Variants in ALDH3A2 observed in about 807,000 individuals in gnomAD.
ALDH3A2 encodes the protein aldehyde dehydrogenase family 3 member A2.
Under a neutral mutation model 51.3 loss-of-function variants are expected in ALDH3A2, and 36 were observed. The ratio of observed to expected loss-of-function variants is 0.70; its 90% CI spans 0.54 to 0.93. The LOEUF is 0.93. ALDH3A2 is among the 40% of genes least tolerant of loss of function. The probability of loss-of-function intolerance (pLI) is 0.00; values close to 1 mark genes in which losing one functional copy is unlikely to be tolerated. For synonymous variants in ALDH3A2, 199 were observed against 219.8 expected, an observed-to-expected ratio of 0.91 and a Z score of 0.84; for missense variants, 552 against 603.1, an observed-to-expected ratio of 0.92 and a Z score of 0.89.
intron 4 of ALDH3A2, 122 bp downstream of exon 4, chr17:19,656,696 G>A (rs1175941791): frequency 1.0e-6 from 1 of 998,900 alleles, no homozygotes; most frequent in Non-Finnish European, 1.5e-6. Flanking sequence ...TTAAGCTTTG[G>A]TGGTTGATGT....
rs557789147 is a variant in ALDH3A2 at position 19,669,403 on chromosome 17, A to G, written c.1208-2318A>G. On this transcript the variant is annotated intron_variant, in intron 8 of 9. Coordinates refer to ENST00000176643, the MANE Select transcript of ALDH3A2 (RefSeq NM_000382.3). ...CCTTTTTTTTCCCAAAGAGTAAACTATGCTGGCACCATTTTTTGAAATAAT... is the reference window on the plus strand; with the variant it reads ...CCTTTTTTTTCCCAAAGAGTAAACTGTGCTGGCACCATTTTTTGAAATAAT... Among the ~76,000 whole-genome samples, 7 of 152,268 alleles carry G rather than the reference A, an allele frequency of 4.6e-5. No individual in the cohort carries two copies. In the East Asian group the frequency reaches 1.3e-3, roughly 29 times the overall value.
chr17:19,675,438 T>C lies in ALDH3A2; in HGVS notation c.1444-120T>C, dbSNP rs1597577142. On this transcript the variant is annotated intron_variant, in intron 9 of 9. Coordinates refer to ENST00000176643, the MANE Select transcript of ALDH3A2 (RefSeq NM_000382.3). ...ATGTAGTCCTTTTTTGTACAATGCATGTAGAGTCTCTTCAGACAGGAGGTG... is the reference window on the plus strand; with the variant it reads ...ATGTAGTCCTTTTTTGTACAATGCACGTAGAGTCTCTTCAGACAGGAGGTG... 2.9e-6 allele frequency: 3 copies of C among 1,021,136 alleles called. No individual in the cohort carries two copies. In the East Asian group the frequency reaches 7.1e-5, roughly 24 times the overall value. 63.3% of individuals were successfully genotyped at this position (1,021,136 alleles called of 1,614,324 possible).
chr17:19,666,127 A>G (rs2085034404), intron 8 of ALDH3A2, among the ~76,000 whole-genome samples: 1 of 152,082 alleles, frequency 6.6e-6, no homozygotes, highest in African/African-American at 2.4e-5. Flanking sequence ...AGAGGGTGGT[A>G]GCAGGGGAGA....
intron 8 of ALDH3A2, among the ~76,000 whole-genome samples, chr17:19,669,444 A>G (rs1184126533): frequency 6.6e-6 from 1 of 152,134 alleles, no homozygotes; most frequent in African/African-American, 2.4e-5. Context: ...TTATACCATC[A>G]GTACTCAATA....
At chr17:19,653,622 G>A (rs553293259) in intron 3 of ALDH3A2, among the ~76,000 whole-genome samples, 158 of 152,162 alleles carry the variant, frequency 1.0e-3, no homozygotes, top group Middle Eastern at 6.8e-3. Flanking sequence ...CGGTGGGTTC[G>A]TGGTCTCGCT....
rs2084894370 is a variant in ALDH3A2, at chr17:19,656,244, G to A, written c.472-122G>A. Reference sequence around the variant, plus strand: ...CAGTTCCCTCTCCCATCCCTCACAGGGACTGGTCTTGACACTCTCTGGGTT... The same window carrying A: ...CAGTTCCCTCTCCCATCCCTCACAGAGACTGGTCTTGACACTCTCTGGGTT... On this transcript the variant is annotated intron_variant, in intron 3 of 9. Transcript: ENST00000176643. The A allele has an allele frequency of 3.3e-6, 3 of 897,856 alleles. No individual in the cohort carries two copies. In the African/African-American group the frequency reaches 5.0e-5, roughly 15 times the overall value. The allele number at this position is 897,856 out of a possible 1,614,324, so 55.6% of individuals were successfully genotyped here.
At chr17:19,662,781 T>C (rs1014889746) in intron 6 of ALDH3A2, among the ~76,000 whole-genome samples, 4 of 152,140 alleles carry the variant, frequency 2.6e-5, no homozygotes, top group Non-Finnish European at 5.9e-5. Context: ...CTGTCTTTGC[T>C]CCTAGAAAGA....
intron 3 of ALDH3A2, among the ~76,000 whole-genome samples, chr17:19,653,461 C>T (rs964129752): frequency 1.3e-5 from 2 of 152,138 alleles, no homozygotes; most frequent in Admixed American, 6.5e-5. Flanking sequence ...TTCTGATGTT[C>T]GGACATGTTC....
chr17:19,658,756 A>AG (rs1382603273), intron 5 of ALDH3A2, among the ~76,000 whole-genome samples: 1 of 151,682 alleles, frequency 6.6e-6, no homozygotes, highest in African/African-American at 2.4e-5. Context: ...TTTAAAAAAA[A>AG]AAAAAAAAAG....
chr17:19,665,791 C>G lies in ALDH3A2; in HGVS notation c.1207+744C>G, dbSNP rs188903349. 1.7e-3 allele frequency among the ~76,000 whole-genome samples: 258 copies of G among 152,290 alleles called. 1 individual carries two copies. The highest frequency in any genetic ancestry group is 6.8e-3 in the Middle Eastern group (2 of 294). On this transcript the variant is annotated intron_variant, in intron 8 of 9. Transcript: ENST00000176643. ...CTCTACTAGAGCTATTACAAAATAG[C>G]CGATATGTAAACATTCTCATAACAA...
chr17:19,667,069 A>AT (rs2085048412), intron 8 of ALDH3A2, among the ~76,000 whole-genome samples: 1 of 152,162 alleles, frequency 6.6e-6, no homozygotes. Flanking sequence ...AAACATTTAT[A>AT]TTACCCATAA....
chr17:19,675,486 G>A (rs1237941543), intron 9 of ALDH3A2, 72 bp from the exon 10 acceptor site: 5 of 1,488,646 alleles, frequency 3.4e-6, no homozygotes, highest in East Asian at 4.5e-5. Flanking sequence ...TGCTGAGCTT[G>A]TGTTGCAAGG....
intron 8 of ALDH3A2, among the ~76,000 whole-genome samples, chr17:19,667,710 C>T (rs1487009650): frequency 6.6e-6 from 1 of 152,094 alleles, no homozygotes; most frequent in African/African-American, 2.4e-5. Flanking sequence ...AGGTGTGTGC[C>T]ACCAGGCCCA....
Position 19,651,752 on chromosome 17 carries a change from A to G in ALDH3A2, c.359A>G (p.Gln120Arg), listed in dbSNP as rs766026118. ...AWNYPFVLTIQPLIGAIAAGN... is the reference protein window; with the variant it reads ...AWNYPFVLTIRPLIGAIAAGN... ...AATTACCCCTTCGTTCTCACCATTC[A>G]GCCACTGATAGGAGCCATCGCTGCA... is the stretch of plus-strand genomic sequence containing the variant. The change falls in exon 2 of 10, where the codon CAG (glutamine) becomes CGG (arginine). Residue 120 changes from glutamine (Q) to arginine (R), a missense_variant. Physicochemically the swap from Gln to Arg is conservative, Grantham distance 43. Transcript: ENST00000176643. 6.2e-7 allele frequency: 1 copy of G among 1,614,214 alleles called. No homozygotes were observed.
chr17:19,652,533 T>G lies in ALDH3A2; in HGVS notation c.386-14T>G, dbSNP rs1337682837. 6.2e-7 allele frequency: 1 copy of G among 1,600,414 alleles called. No homozygotes were observed. Among genetic ancestry groups the G allele is most frequent in the Non-Finnish European group, 8.6e-7 (1 of 1,167,932 alleles). On this transcript the variant is annotated splice_polypyrimidine_tract_variant and intron_variant, in intron 2 of 9. Coordinates refer to ENST00000176643, the MANE Select transcript of ALDH3A2 (RefSeq NM_000382.3). ...AATATTAGATGATACTGTTCTACTT[T>G]TTACTTTATTTAGGAAATGCTGTGA...
chr17:19,652,910 T>C (rs2084836784), intron 3 of ALDH3A2, among the ~76,000 whole-genome samples: 1 of 152,168 alleles, frequency 6.6e-6, no homozygotes, highest in South Asian at 2.1e-4. Flanking sequence ...ATTTTTGAGC[T>C]AACATGATTT....
intron 1 of ALDH3A2, 52 bp downstream of exon 1, chr17:19,649,176 G>T (rs1191805511): frequency 7.2e-6 from 11 of 1,529,104 alleles, no homozygotes; most frequent in Non-Finnish European, 9.7e-6. Flanking sequence ...CCGCGCACTT[G>T]TGGACTGGAG....
At position 19,677,361 on chromosome 17, in the gene ALDH3A2, TAAGAGAGTAATCATAA is replaced by T. The variant is rs1466887752; in HGVS notation, c.*1792_*1807del. The T allele has an allele frequency of 6.6e-6, 1 of 152,258 alleles. No homozygotes were observed. The highest frequency in any genetic ancestry group is 1.5e-5 in the Non-Finnish European group (1 of 68,050). 9.4% of individuals were successfully genotyped at this position (152,258 alleles called of 1,614,324 possible). On this transcript the variant is annotated 3_prime_UTR_variant, in exon 10 of 10. Coordinates refer to ENST00000176643, the MANE Select transcript of ALDH3A2 (RefSeq NM_000382.3). ...AAAAAGCTGCTTAAAACTGTGGCTC[TAAGAGAGTAATCATAA>T]AATACCTTAGATAAAATTGCACTAT...
At chr17:19,672,120 A>G (rs541131185) in intron 9 of ALDH3A2, among the ~76,000 whole-genome samples, 164 bp downstream of exon 9, 2 of 152,182 alleles carry the variant, frequency 1.3e-5, no homozygotes, top group Non-Finnish European at 1.5e-5. Context: ...AAGTTATTGG[A>G]ACACAGCCAC....
Sources: allele counts gnomAD v4.1 joint callset (sites outside exome capture counted in the v4.1 genomes callset), GRCh38; gene constraint gnomAD v4.1.1; transcripts MANE v1.5; gene names NCBI Gene and HGNC (gene_info 2026-07-23, HGNC 2026-07-21).